Variants in ASTN2 observed in about 807,000 individuals in gnomAD.
The protein encoded by ASTN2 is astrotactin 2.
In ASTN2, 54 loss-of-function variants were observed where a neutral mutation model predicts 139.8. That is an observed-to-expected ratio of 0.39 (90% confidence interval 0.31 to 0.48). The LOEUF is 0.48. Among genes scored for constraint, ASTN2 ranks in the 20% least tolerant of loss-of-function variants. The probability of loss-of-function intolerance (pLI) is 0.95; values close to 1 mark genes in which losing one functional copy is unlikely to be tolerated. For synonymous variants in ASTN2, 756 were observed against 719.5 expected, an observed-to-expected ratio of 1.05 and a Z score of -0.81; for missense variants, 1,565 against 1,725.1, an observed-to-expected ratio of 0.91 and a Z score of 1.64.
intron 3 of ASTN2, among the ~76,000 whole-genome samples, chr9:117,203,302 G>A (rs1564476043): frequency 6.6e-6 from 1 of 151,846 alleles, no homozygotes; most frequent in East Asian, 1.9e-4. Flanking sequence ...GCTCATCATG[G>A]TTTTTTATTA....
At chr9:116,852,269 C>G (rs1316021784) in intron 11 of ASTN2, among the ~76,000 whole-genome samples, 1 of 152,186 alleles carries the variant, frequency 6.6e-6, no homozygotes, top group Non-Finnish European at 1.5e-5. Flanking sequence ...GTCCGGCCAA[C>G]AATATTGTAA....
At chr9:116,571,770 T>G (rs182172564) in intron 19 of ASTN2, among the ~76,000 whole-genome samples, 8 of 152,218 alleles carry the variant, frequency 5.3e-5, no homozygotes, top group Non-Finnish European at 7.4e-5. Context: ...GTGTGTAACT[T>G]TGTATGTGTT....
intron 5 of ASTN2, among the ~76,000 whole-genome samples, chr9:117,064,962 G>C (rs1455037451): frequency 6.6e-6 from 1 of 151,896 alleles, no homozygotes; most frequent in Non-Finnish European, 1.5e-5. Context: ...GACCTTACAT[G>C]GAAAAAAGGG....
At chr9:116,723,547 T>G (rs571008104) in intron 16 of ASTN2, among the ~76,000 whole-genome samples, 1 of 152,210 alleles carries the variant, frequency 6.6e-6, no homozygotes, top group East Asian at 1.9e-4. Context: ...TGGCCTGGTT[T>G]CCAACGTTTA....
intron 16 of ASTN2, among the ~76,000 whole-genome samples, chr9:116,668,199 T>TC: frequency 7.5e-6 from 1 of 133,930 alleles, no homozygotes; most frequent in South Asian, 2.1e-4. Flanking sequence ...GATTGGCTTT[T>TC]TTTTTTTTTT....
At position 116,433,523 on chromosome 9, in the gene ASTN2, A is replaced by G. The variant is rs1588052919; in HGVS notation, c.3782+7086T>C. Among the ~76,000 whole-genome samples the G allele has an allele frequency of 2.0e-5, 3 of 152,298 alleles. No homozygotes were observed. The Middle Eastern group carries it at 0.01, about 518-fold the overall frequency. Reference sequence around the variant, plus strand: ...GGATTATGTGGCCCAGAGGTGCACAATTTTCATTATTTTATATATTTCTGT... The same window carrying G: ...GGATTATGTGGCCCAGAGGTGCACAGTTTTCATTATTTTATATATTTCTGT... On this transcript the variant is annotated intron_variant, in intron 22 of 22. Coordinates refer to ENST00000313400, the MANE Select transcript of ASTN2 (RefSeq NM_001365068.1).
chr9:116,947,458 C>G (rs1835429279), intron 10 of ASTN2, among the ~76,000 whole-genome samples: 1 of 152,154 alleles, frequency 6.6e-6, no homozygotes, highest in African/African-American at 2.4e-5. Context: ...CAATGACTTT[C>G]TTTTTCTATT....
intron 1 of ASTN2, among the ~76,000 whole-genome samples, chr9:117,401,455 G>A (rs1334801567): frequency 6.6e-6 from 1 of 152,080 alleles, no homozygotes; most frequent in Non-Finnish European, 1.5e-5. Flanking sequence ...CAGAGAAAAA[G>A]GCAAATTATT....
chr9:116,848,211 G>C (rs1832498106), intron 11 of ASTN2, among the ~76,000 whole-genome samples: 1 of 152,312 alleles, frequency 6.6e-6, no homozygotes, highest in Non-Finnish European at 1.5e-5. Flanking sequence ...GGCTTGGAGA[G>C]GGAAGATGAC....
At chr9:117,399,936 A>G (rs1194928995) in intron 1 of ASTN2, among the ~76,000 whole-genome samples, 1 of 152,252 alleles carries the variant, frequency 6.6e-6, no homozygotes, top group Non-Finnish European at 1.5e-5. Flanking sequence ...ACAGAAGTGG[A>G]CAGTGGCAGT....
intron 1 of ASTN2, among the ~76,000 whole-genome samples, chr9:117,402,873 T>A (rs978230565): frequency 2.6e-5 from 4 of 152,108 alleles, no homozygotes; most frequent in African/African-American, 9.7e-5. Flanking sequence ...TCCTTAGAGA[T>A]GACACCCCTT....
chr9:117,266,936 C>T (rs182343227), intron 2 of ASTN2, among the ~76,000 whole-genome samples: 3 of 152,180 alleles, frequency 2.0e-5, no homozygotes, highest in African/African-American at 4.8e-5. Context: ...TCTTCTTGAG[C>T]GTATGCTGGA....
rs972223589 is a variant in ASTN2 at position 117,281,173 on chromosome 9, A to T, written c.630+10153T>A. ...TTAGAGGCCAAAGGAGAAGAAAGGG[A>T]CCTTCCCTGGGCACCTTGCTGATGC... On this transcript the variant is annotated intron_variant, in intron 2 of 22. Transcript: ENST00000313400. 5.9e-5 allele frequency among the ~76,000 whole-genome samples: 9 copies of T among 152,266 alleles called. No individual in the cohort carries two copies. In the East Asian group the frequency reaches 9.7e-4, roughly 16 times the overall value.
chr9:116,533,729 T>C (rs535329942), intron 19 of ASTN2, among the ~76,000 whole-genome samples: 1 of 152,220 alleles, frequency 6.6e-6, no homozygotes, highest in Non-Finnish European at 1.5e-5. Flanking sequence ...TCATGGTGGA[T>C]AAGCTTTTTG....
At chr9:116,526,944 G>C (rs1351750852) in intron 19 of ASTN2, among the ~76,000 whole-genome samples, 1 of 152,304 alleles carries the variant, frequency 6.6e-6, no homozygotes, top group African/African-American at 2.4e-5. Flanking sequence ...ACACAACAGA[G>C]AAAGGACAGT....
intron 10 of ASTN2, among the ~76,000 whole-genome samples, chr9:116,941,201 T>G (rs543229758): frequency 6.6e-6 from 1 of 152,182 alleles, no homozygotes; most frequent in South Asian, 2.1e-4. Context: ...CATTAAGACT[T>G]GGTTATGGCA....
chr9:117,405,709 T>G (rs1378832226), intron 1 of ASTN2, among the ~76,000 whole-genome samples: 1 of 152,192 alleles, frequency 6.6e-6, no homozygotes, highest in African/African-American at 2.4e-5. Flanking sequence ...TCCTAAATTT[T>G]TCCATTTCTG....
rs1056288660 is a variant in ASTN2 at position 117,267,323 on chromosome 9, G to T, written c.630+24003C>A. Among the ~76,000 whole-genome samples the T allele has an allele frequency of 2.0e-5, 3 of 152,082 alleles. No homozygotes were observed. In the East Asian group the frequency reaches 5.8e-4, roughly 29 times the overall value. ...GATTGGATCCTAGTACAGTAAAAGG[G>T]CATCAGTGGAGAAACTGGGGAAATA... On this transcript the variant is annotated intron_variant, in intron 2 of 22. Coordinates refer to ENST00000313400, the MANE Select transcript of ASTN2 (RefSeq NM_001365068.1).
chr9:117,179,341 A>ATGTG (rs540638383), intron 3 of ASTN2, among the ~76,000 whole-genome samples: 2 of 152,060 alleles, frequency 1.3e-5, no homozygotes, highest in Admixed American at 6.5e-5. Context: ...GGGGATATAT[A>ATGTG]TGTGTGTGTG....
Sources: allele counts gnomAD v4.1 joint callset (sites outside exome capture counted in the v4.1 genomes callset), GRCh38; gene constraint gnomAD v4.1.1; transcripts MANE v1.5; gene names NCBI Gene and HGNC (gene_info 2026-07-23, HGNC 2026-07-21).